CENPE: variants seen among roughly 807,000 people sequenced by gnomAD.
The protein encoded by CENPE is centromere-associated protein E.
CENPE carries 145 observed loss-of-function variants against 336.1 expected under a neutral mutation model. The observed-to-expected ratio is 0.43, with a 90% CI of 0.38 to 0.50. The LOEUF (loss-of-function observed/expected upper bound fraction) is 0.50. CENPE is among the 20% of genes least tolerant of loss of function. The pLI is 0.00. For synonymous variants in CENPE, 1,013 were observed against 984.8 expected, an observed-to-expected ratio of 1.03 and a Z score of -0.54; for missense variants, 2,719 against 3,023.3, an observed-to-expected ratio of 0.90 and a Z score of 2.36.
chr4:103,188,590 C>A (rs887422357), intron 8 of CENPE, among the ~76,000 whole-genome samples: 17 of 152,064 alleles, frequency 1.1e-4, no homozygotes. Flanking sequence ...TTCTTTGAAA[C>A]CAATGAGAAC....
chr4:103,149,466 C>T, intron 26 of CENPE, 58 bp from the exon 27 acceptor site: 2 of 1,434,776 alleles, frequency 1.4e-6, no homozygotes, highest in Non-Finnish European at 1.9e-6. Flanking sequence ...AATTCTTACA[C>T]AAAATCATTA....
At chr4:103,155,108 A>G (rs1038175715) in intron 24 of CENPE, among the ~76,000 whole-genome samples, 2 of 152,178 alleles carry the variant, frequency 1.3e-5, no homozygotes, top group Non-Finnish European at 2.9e-5. Context: ...ACATCCTTTT[A>G]TCAACATGGA....
intron 44 of CENPE, among the ~76,000 whole-genome samples, chr4:103,118,632 T>A (rs1750350204): frequency 6.6e-6 from 1 of 152,220 alleles, no homozygotes; most frequent in Non-Finnish European, 1.5e-5. Flanking sequence ...ACTTCTCCTA[T>A]GTCATCTTCT....
chr4:103,176,433 T>TG (rs1258575077), intron 14 of CENPE, among the ~76,000 whole-genome samples: 2 of 152,224 alleles, frequency 1.3e-5, no homozygotes, highest in African/African-American at 4.8e-5. Flanking sequence ...CAAAGGCAGA[T>TG]GCCATATAAC....
At chr4:103,185,318 A>C (rs893902453) in intron 9 of CENPE, among the ~76,000 whole-genome samples, 3 of 151,878 alleles carry the variant, frequency 2.0e-5, no homozygotes, top group Non-Finnish European at 4.4e-5. Context: ...AAAAAAAAAA[A>C]AAAAAAGTTT....
At chr4:103,194,963 T>C in intron 5 of CENPE, 151 bp downstream of exon 5, 1 of 706,942 alleles carries the variant, frequency 1.4e-6, no homozygotes. Context: ...TCATATTGTT[T>C]AAAAGATGAA....
At chr4:103,184,187 A>G (rs1448882598) in intron 9 of CENPE, among the ~76,000 whole-genome samples, 1 of 152,196 alleles carries the variant, frequency 6.6e-6, no homozygotes, top group African/African-American at 2.4e-5. Flanking sequence ...TTTTGTTCAC[A>G]GGTCTGAGGA....
At chr4:103,191,994 T>TA (rs1425349684) in intron 8 of CENPE, among the ~76,000 whole-genome samples, 1 of 151,552 alleles carries the variant, frequency 6.6e-6, no homozygotes, top group Non-Finnish European at 1.5e-5. Flanking sequence ...CAGCTTGGGT[T>TA]AGGGAGGTGG....
In CENPE at chr4:103,180,495, T is replaced by G. The variant is rs1241275455; in HGVS notation, c.1084-26A>C. The G allele has an allele frequency of 4.6e-6, 7 of 1,530,574 alleles. 1 individual carries two copies. In the Admixed American group the frequency reaches 1.4e-4, roughly 30 times the overall value. The allele number at this position is 1,530,574 out of a possible 1,614,324, so 94.8% of individuals were successfully genotyped here. A position where few individuals can be genotyped will look rare whatever the true frequency, so the allele number is the denominator to read the frequency against. On this transcript the variant is annotated intron_variant, in intron 12 of 48. Coordinates refer to ENST00000265148, the MANE Select transcript of CENPE (RefSeq NM_001813.3). ...CTATAGAATGCAATATTGGATTATG[T>G]TAATAATAAATGTGGCTAAGTTTTA...
At chr4:103,140,464 C>T (rs1752453104) in intron 36 of CENPE, 50 bp from the exon 37 acceptor site, 1 of 1,254,896 alleles carries the variant, frequency 8.0e-7, no homozygotes, top group East Asian at 2.5e-5. Flanking sequence ...AGGCACGTTA[C>T]CTTTACTTAA....
At chr4:103,115,808 G>C (rs1206040926) in intron 45 of CENPE, among the ~76,000 whole-genome samples, 3 of 148,648 alleles carry the variant, frequency 2.0e-5, no homozygotes, top group African/African-American at 2.5e-5. Context: ...TCGGCTCACT[G>C]CAAGCTCCGC....
intron 47 of CENPE, among the ~76,000 whole-genome samples, chr4:103,110,192 G>C (rs1400307160): frequency 6.6e-6 from 1 of 152,136 alleles, no homozygotes; most frequent in Non-Finnish European, 1.5e-5. Context: ...GTGTATAGTA[G>C]AAAGATAAGT....
Position 103,133,783 on chromosome 4 carries a change from T to C in CENPE, c.6632A>G (p.Lys2211Arg). Residue 2211 changes from lysine (K) to arginine (R), a missense_variant, in exon 41 of 49, where the codon AAA (lysine) becomes AGA (arginine). Coordinates refer to ENST00000265148, the MANE Select transcript of CENPE (RefSeq NM_001813.3). ...EVEKQKELLI[K>R]IQHLQQDCDV... ...ACAATCTTGTTGAAGGTGCTGTATT[T>C]TAATTAGCAATTCCTTTTGCTTTTC... The C allele has an allele frequency of 6.2e-7, 1 of 1,610,706 alleles. No individual in the cohort carries two copies. The highest frequency in any genetic ancestry group is 8.5e-7 in the Non-Finnish European group (1 of 1,177,434).
Position 103,132,066 on chromosome 4 carries a change from T to C in CENPE, c.6924+627A>G, listed in dbSNP as rs1310345264. On this transcript the variant is annotated intron_variant, in intron 42 of 48. Transcript: ENST00000265148. The stretch of plus-strand genomic sequence containing the variant: ...TACAATTGTAACTCATAGAATGTAC[T>C]ATGCCAAGTGTGAACCCTAATGTAA... Among the ~76,000 whole-genome samples, 3 of 152,294 alleles carry C rather than the reference T, an allele frequency of 2.0e-5. 1 individual carries two copies. The highest frequency in any genetic ancestry group is 4.8e-5 in the African/African-American group (2 of 41,572).
chr4:103,157,960 A>AT (rs538849681), intron 24 of CENPE, among the ~76,000 whole-genome samples: 47 of 152,052 alleles, frequency 3.1e-4, no homozygotes, highest in Admixed American at 1.4e-3. Context: ...AATACTGTTA[A>AT]TAAATGAAAC....
Position 103,147,616 on chromosome 4 carries a change from G to A in CENPE, c.3874C>T (p.Leu1292=). ...IPVLHEEQEL[L]PNVKEVSETQ... ...TCACTGACTTCTTTCACATTAGGCA[G>A]TAACTCTTGTTCCTCATGAAGCACT... Residue 1292 remains leucine, a synonymous_variant, in exon 29 of 49, where the codon CTG becomes TTG. Transcript: ENST00000265148. 17 of 1,612,728 alleles carry A rather than the reference G, an allele frequency of 1.1e-5. No homozygotes were observed. Among genetic ancestry groups the A allele is most frequent in the Non-Finnish European group, 1.4e-5 (16 of 1,179,952 alleles).
intron 45 of CENPE, 68 bp downstream of exon 45, chr4:103,116,509 A>G (rs1268890923): frequency 3.0e-6 from 2 of 658,940 alleles, no homozygotes; most frequent in South Asian, 2.6e-5. Flanking sequence ...TAACTAATGA[A>G]AAGTATATGT....
intron 32 of CENPE, 31 bp from the exon 33 acceptor site, chr4:103,144,649 A>G (rs748545688): frequency 6.7e-7 from 1 of 1,488,020 alleles, no homozygotes; most frequent in Non-Finnish European, 9.1e-7. Context: ...GTTACAACAT[A>G]GGCAGAATTT....
chr4:103,163,372 T>G lies in CENPE; in HGVS notation c.1722+107A>C, dbSNP rs555413219. The G allele has an allele frequency of 6.3e-5, 80 of 1,274,566 alleles. 1 individual carries two copies. In the South Asian group the frequency reaches 1.0e-3, roughly 16 times the overall value. The allele number at this position is 1,274,566 out of a possible 1,614,324, so 79.0% of individuals were successfully genotyped here. A position where few individuals can be genotyped will look rare whatever the true frequency, so the allele number is the denominator to read the frequency against. On this transcript the variant is annotated intron_variant, in intron 17 of 48. Transcript: ENST00000265148. ...ATAGTAAAATTCAAAGTCACTAATA[T>G]TTTAAAAACATAATTCCCTTATTTC...
Sources: gnomAD v4.1 joint callset for allele counts (sites outside exome capture counted in the v4.1 genomes callset) on GRCh38, gnomAD v4.1.1 for gene constraint, MANE v1.5 for transcripts, NCBI Gene and HGNC (gene_info 2026-07-23, HGNC 2026-07-21) for gene names.